Variants in ABHD4 observed in about 807,000 individuals in gnomAD.
ABHD4 encodes (Lyso)-N-acylphosphatidylethanolamine lipase.
In ABHD4, 35 loss-of-function variants were observed where a neutral mutation model predicts 42.3. The observed-to-expected ratio is 0.83, with a 90% confidence interval of 0.63 to 1.10. The LOEUF is 1.10. ABHD4 is among the 50% of genes least tolerant of loss of function. The probability of loss-of-function intolerance (pLI) is 0.00; values close to 1 mark genes in which losing one functional copy is unlikely to be tolerated. For synonymous variants in ABHD4, 169 were observed against 170.6 expected (o/e 0.99, Z 0.07); for missense variants, 389 against 454.8 (o/e 0.86, Z 1.32).
chr14:22,603,267 G>T, intron 2 of ABHD4, 123 bp from the exon 3 acceptor site: 1 of 1,239,940 alleles, frequency 8.1e-7, no homozygotes, highest in Non-Finnish European at 1.1e-6. Flanking sequence ...GTGAGAGGAA[G>T]GAGCTGAGGG....
intron 5 of ABHD4, among the ~76,000 whole-genome samples, 175 bp downstream of exon 5, chr14:22,606,708 G>A (rs1374728971): frequency 2.0e-5 from 3 of 152,122 alleles, no homozygotes; most frequent in Admixed American, 6.5e-5. Flanking sequence ...CAGACACAAA[G>A]GAATACAGAA....
intron 4 of ABHD4, 93 bp from the exon 5 acceptor site, chr14:22,606,329 G>T: frequency 2.5e-6 from 2 of 810,068 alleles, no homozygotes; most frequent in South Asian, 1.5e-5. Flanking sequence ...GAGAAATAAG[G>T]TTTAGTTAAA....
chr14:22,598,876 A>G (rs183292118), intron 1 of ABHD4: 149 of 182,612 alleles, frequency 8.2e-4, no homozygotes, highest in African/African-American at 3.3e-3. Context: ...ATGTGATCCT[A>G]GTTGATAATG....
In ABHD4 at chr14:22,604,033, A is replaced by G. The variant is rs111815195; in HGVS notation, c.594A>G (p.Leu198=). ...PAWVKAVASV[L]GRSNPLAVLR... Reference sequence around the variant, plus strand: ...GGGTCAAAGCCGTGGCATCTGTCCTAGGACGTTCCAATCCATTGGCTGTTC... The same window carrying G: ...GGGTCAAAGCCGTGGCATCTGTCCTGGGACGTTCCAATCCATTGGCTGTTC... The change falls in exon 4 of 7, where the codon CTA becomes CTG. Residue 198 remains leucine, a synonymous_variant. Coordinates refer to ENST00000428304, the MANE Select transcript of ABHD4 (RefSeq NM_022060.3). The G allele has an allele frequency of 2.3e-5, 37 of 1,614,180 alleles. No homozygotes were observed. The highest frequency in any genetic ancestry group is 2.1e-4 in the African/African-American group (16 of 75,044).
intron 2 of ABHD4, 63 bp from the exon 3 acceptor site, chr14:22,603,327 G>A: frequency 1.3e-6 from 2 of 1,599,922 alleles, no homozygotes; most frequent in Non-Finnish European, 1.7e-6. Flanking sequence ...TGGTAGTCCA[G>A]GCAAAATGAT....
Sources: gnomAD v4.1 joint callset for allele counts (sites outside exome capture counted in the v4.1 genomes callset) on GRCh38, gnomAD v4.1.1 for gene constraint, MANE v1.5 for transcripts, NCBI Gene and HGNC (gene_info 2026-07-23, HGNC 2026-07-21) for gene names.